The following KIRREL1 variants were observed in gnomAD, a reference collection of about 807,000 sequenced individuals.
KIRREL1 encodes kin of IRRE-like protein 1.
A neutral mutation model predicts 83.3 loss-of-function variants in KIRREL1; 25 were observed. That is an observed-to-expected ratio of 0.30 (90% CI 0.22 to 0.42). The LOEUF is 0.42. KIRREL1 is among the 10% of genes least tolerant of loss of function. The pLI, the probability that KIRREL1 is intolerant of heterozygous loss-of-function variation, is 1.00. For missense variants in KIRREL1, 812 were observed against 1,032.3 expected (o/e 0.79, Z 2.92); for synonymous variants, 388 against 410.4 (o/e 0.95, Z 0.66).
At chr1:158,092,548 C>T (rs369112179) in intron 11 of KIRREL1, among the ~76,000 whole-genome samples, 11 of 151,986 alleles carry the variant, frequency 7.2e-5, no homozygotes, top group Admixed American at 2.6e-4. Context: ...GGGTTTTCAC[C>T]GTGTTAGCCA....
At chr1:157,995,342 G>A (rs973234115) in intron 1 of KIRREL1, among the ~76,000 whole-genome samples, 3 of 152,356 alleles carry the variant, frequency 2.0e-5, no homozygotes, top group Middle Eastern at 6.8e-3. Context: ...GGAGTGGGAG[G>A]TGGTGCTAGG....
At chr1:158,082,634 C>G (rs1205831047) in intron 3 of KIRREL1, among the ~76,000 whole-genome samples, 2 of 152,150 alleles carry the variant, frequency 1.3e-5, no homozygotes, top group East Asian at 3.9e-4. Context: ...TCTGGACCCT[C>G]CTCTGGGTCT....
At chr1:158,074,976 T>C (rs189603512) in intron 1 of KIRREL1, among the ~76,000 whole-genome samples, 2 of 152,254 alleles carry the variant, frequency 1.3e-5, no homozygotes, top group Admixed American at 1.3e-4. Context: ...CCGATTTCAG[T>C]TACCTGGTAT....
rs1570995707 is a variant in KIRREL1, at chr1:158,087,756, C to G, written c.663C>G (p.His221Gln). The change falls in exon 6 of 15, where the codon CAC becomes CAG. Residue 221 changes from histidine (H) to glutamine (Q), a missense_variant and splice_region_variant. By Grantham distance (24) the His-to-Gln change is conservative (BLOSUM62 0). This residue lies in a region of KIRREL1 where 472 missense variants were observed against 626.8 expected (regional missense o/e 0.75). Coordinates refer to ENST00000359209, the MANE Select transcript of KIRREL1 (RefSeq NM_018240.7). ...KETSIELDVH[H>Q]PPTVTLSIEP... ...GACTCCCTGTGCTCTACTTTGCAGA[C>G]CCTCCTACAGTGACCCTGTCCATTG... The G allele has an allele frequency of 6.2e-7, 1 of 1,612,318 alleles. No homozygotes were observed. The highest frequency in any genetic ancestry group is 8.5e-7 in the Non-Finnish European group (1 of 1,178,808).
chr1:158,047,717 T>C (rs1020340516), intron 1 of KIRREL1, among the ~76,000 whole-genome samples: 6 of 152,130 alleles, frequency 3.9e-5, no homozygotes, highest in African/African-American at 7.2e-5. Context: ...ACTTCATTAT[T>C]ATAAAGATGG....
rs931206602 is a variant in KIRREL1, at chr1:158,089,817, T to C, written c.1271T>C (p.Ile424Thr). ...GGGAGCACACCACCCCCAGACCGCA[T>C]AGTGAGTGGCGGACCTGCCTGCGGA... Reference protein sequence around the residue: ...FIGSTPPPDRIAWAWKENFLE... With the variant: ...FIGSTPPPDRTAWAWKENFLE... Residue 424 changes from isoleucine to threonine, a missense_variant and splice_region_variant, in exon 10 of 15, where the codon ATA becomes ACA. Transcript: ENST00000359209. The C allele has an allele frequency of 3.7e-6, 6 of 1,613,868 alleles. No homozygotes were observed. The highest frequency in any genetic ancestry group is 5.1e-6 in the Non-Finnish European group (6 of 1,179,816).
intron 1 of KIRREL1, among the ~76,000 whole-genome samples, chr1:158,055,897 C>T (rs1661044884): frequency 1.3e-5 from 2 of 152,188 alleles, no homozygotes; most frequent in South Asian, 2.1e-4. Flanking sequence ...GGGTTGTGGT[C>T]CCACATGGGG....
chr1:158,065,172 C>G (rs1661326697), intron 1 of KIRREL1, among the ~76,000 whole-genome samples: 1 of 152,062 alleles, frequency 6.6e-6, no homozygotes, highest in Admixed American at 6.5e-5. Context: ...TGAGTTGAGG[C>G]TGTTTATTCA....
At chr1:158,045,422 C>A (rs1174668112) in intron 1 of KIRREL1, among the ~76,000 whole-genome samples, 1 of 152,248 alleles carries the variant, frequency 6.6e-6, no homozygotes, top group Non-Finnish European at 1.5e-5. Context: ...GTGGTTCCCA[C>A]AACCCCTTTG....
intron 10 of KIRREL1, among the ~76,000 whole-genome samples, chr1:158,090,245 TC>T (rs2101643013): frequency 6.6e-6 from 1 of 152,030 alleles, no homozygotes; most frequent in East Asian, 1.9e-4. Context: ...TCCCTCCCCT[TC>T]CCTGTCTCCT....
intron 1 of KIRREL1, among the ~76,000 whole-genome samples, chr1:158,024,785 T>C (rs1440327574): frequency 3.3e-5 from 5 of 152,198 alleles, no homozygotes; most frequent in African/African-American, 1.2e-4. Context: ...TTCCCCAGGG[T>C]CCACCCTGAC....
intron 1 of KIRREL1, among the ~76,000 whole-genome samples, chr1:158,027,441 T>C (rs975230949): frequency 3.3e-5 from 5 of 152,192 alleles, no homozygotes; most frequent in African/African-American, 1.2e-4. Context: ...TGGTCACTGG[T>C]GATCAACTTA....
chr1:158,054,212 C>CA (rs57034495), intron 1 of KIRREL1, among the ~76,000 whole-genome samples: 6,300 of 84,510 alleles, frequency 0.075, 201 homozygotes, highest in Non-Finnish European at 0.097. Flanking sequence ...GACTCCATCT[C>CA]AAAAAAAAAA....
rs1411370487 is a variant in KIRREL1, at chr1:158,091,281, G to A, written c.1273-77G>A. On this transcript the variant is annotated intron_variant, in intron 10 of 14. Coordinates refer to ENST00000359209, the MANE Select transcript of KIRREL1 (RefSeq NM_018240.7). ...ACATAGGGGTGAGGGTGCCTTGAGG[G>A]TGGATCAGGGGACACGTGGGCATGG... 7 of 1,380,260 alleles carry A rather than the reference G, an allele frequency of 5.1e-6. No individual in the cohort carries two copies. The Admixed American group carries it at 1.3e-4, about 26-fold the overall frequency. 85.5% of individuals were successfully genotyped at this position (1,380,260 alleles called of 1,614,324 possible).
intron 1 of KIRREL1, among the ~76,000 whole-genome samples, chr1:158,030,489 G>A (rs1253759142): frequency 6.6e-6 from 1 of 152,124 alleles, no homozygotes; most frequent in Admixed American, 6.5e-5. Context: ...TGCTCCCCAG[G>A]GAGCCCAAAG....
chr1:158,047,921 C>A (rs1410363496), intron 1 of KIRREL1, among the ~76,000 whole-genome samples: 3 of 152,174 alleles, frequency 2.0e-5, no homozygotes, highest in Admixed American at 6.5e-5. Flanking sequence ...GAAGCTTTCC[C>A]CAGTCTGGTT....
chr1:158,031,127 G>C (rs1660311497), intron 1 of KIRREL1: 1 of 152,078 alleles, frequency 6.6e-6, no homozygotes, highest in East Asian at 1.9e-4. Flanking sequence ...ATCGGAACAG[G>C]GATATTACAC....
chr1:158,086,872 CCTT>C, intron 5 of KIRREL1, 126 bp downstream of exon 5: 1 of 820,616 alleles, frequency 1.2e-6, no homozygotes, highest in South Asian at 1.7e-5. Flanking sequence ...CAAACGCTTG[CCTT>C]CTTCACATCT....
In KIRREL1 at chr1:158,094,806, A is replaced by G. The variant is rs755039174; in HGVS notation, c.1960A>G (p.Ser654Gly). 9.9e-6 allele frequency: 16 copies of G among 1,613,682 alleles called. No individual in the cohort carries two copies. The highest frequency in any genetic ancestry group is 1.6e-4 in the Middle Eastern group (1 of 6,084). ...SSGYAQLNTYSRGPASDYGPE... is the reference protein window; with the variant it reads ...SSGYAQLNTYGRGPASDYGPE... ...CGGCTATGCCCAGCTCAACACCTAT[A>G]GCCGGGGCCCTGCCTCTGACTATGG... The change falls in exon 15 of 15, where the codon AGC becomes GGC. Residue 654 changes from serine to glycine, a missense_variant. By Grantham distance (56) the Ser-to-Gly change is moderately conservative. Around this residue, in one of 3 missense-constraint regions of KIRREL1, gnomAD observed 334 missense variants for 383.7 expected, o/e 0.87. Coordinates refer to ENST00000359209, the MANE Select transcript of KIRREL1 (RefSeq NM_018240.7). The surrounding 1 kb of genome is among the most constrained non-coding windows in gnomAD (Gnocchi z 4.6).
Sources: gnomAD v4.1 joint callset for allele counts (sites outside exome capture counted in the v4.1 genomes callset) on GRCh38, gnomAD v4.1.1 for gene constraint, gnomAD v4.1.1 regional missense constraint, Gnocchi (gnomAD v3.1) non-coding constraint, MANE v1.5 for transcripts, NCBI Gene and HGNC (gene_info 2026-07-23, HGNC 2026-07-21) for gene names.